CYTH1: variants seen among roughly 807,000 people sequenced by gnomAD.
The protein encoded by CYTH1 is cytohesin 1.
In CYTH1, 18 loss-of-function variants were observed where a neutral mutation model predicts 61.8. The ratio of observed to expected loss-of-function variants is 0.29; its 90% CI spans 0.20 to 0.43. The LOEUF (loss-of-function observed/expected upper bound fraction) is 0.43, where lower values mean the gene tolerates loss of function less well. CYTH1 is among the 20% of genes least tolerant of loss of function. CYTH1 has a pLI of 1.00. For synonymous variants in CYTH1, 174 were observed against 184.3 expected (o/e 0.94, Z 0.45); for missense variants, 336 against 510.5 (o/e 0.66, Z 3.29).
chr17:78,712,469 A>G (rs1290021255), intron 1 of CYTH1, among the ~76,000 whole-genome samples: 1 of 151,902 alleles, frequency 6.6e-6, no homozygotes, highest in Non-Finnish European at 1.5e-5. Context: ...CCTGGCCAAC[A>G]TGGTGAAACC....
intron 3 of CYTH1, among the ~76,000 whole-genome samples, chr17:78,704,160 A>C (rs191565180): frequency 6.6e-6 from 1 of 152,294 alleles, no homozygotes; most frequent in African/African-American, 2.4e-5. Flanking sequence ...CTGGGGCCTC[A>C]ACAAAACAGA....
intron 1 of CYTH1, among the ~76,000 whole-genome samples, chr17:78,770,900 G>C (rs950691859): frequency 1.3e-4 from 20 of 152,254 alleles, no homozygotes; most frequent in African/African-American, 4.8e-4. Flanking sequence ...GGCCAAGGCA[G>C]GCATATTCCT....
At chr17:78,782,112 G>C in intron 1 of CYTH1, 90 bp downstream of exon 1, 1 of 1,133,398 alleles carries the variant, frequency 8.8e-7, no homozygotes, top group Non-Finnish European at 1.1e-6. Flanking sequence ...CCCGGGAAAC[G>C]CCAGCCGCCG....
chr17:78,692,234 C>T (rs1453848783), intron 11 of CYTH1, among the ~76,000 whole-genome samples, 183 bp downstream of exon 11: 1 of 152,202 alleles, frequency 6.6e-6, no homozygotes, highest in Non-Finnish European at 1.5e-5. Flanking sequence ...GCACGCACCT[C>T]TTCTCAGGGG....
Position 78,732,943 on chromosome 17 carries a change from C to T in CYTH1, c.23-23211G>A, listed in dbSNP as rs60085543. Among the ~76,000 whole-genome samples the T allele has an allele frequency of 5.9e-3, 896 of 152,026 alleles. 40 individuals carry two copies. The East Asian group carries it at 0.11, about 19-fold the overall frequency. On this transcript the variant is annotated intron_variant, in intron 1 of 13. Coordinates refer to ENST00000446868, the MANE Select transcript of CYTH1 (RefSeq NM_004762.6). ...CTCTACTAAAAATACAAAAATTAGC[C>T]GGGCGTGGTGGTACGTTCCTGTAGT...
intron 1 of CYTH1, among the ~76,000 whole-genome samples, chr17:78,753,126 C>T (rs993732471): frequency 6.6e-6 from 1 of 152,116 alleles, no homozygotes; most frequent in African/African-American, 2.4e-5. Context: ...CAATCAGAGG[C>T]AAGCCTCTCA....
chr17:78,738,051 A>T (rs1326600988), intron 1 of CYTH1, among the ~76,000 whole-genome samples: 1 of 152,162 alleles, frequency 6.6e-6, no homozygotes, highest in Admixed American at 6.6e-5. Flanking sequence ...GTGATTTCCA[A>T]TTCTTCTACG....
intron 1 of CYTH1, among the ~76,000 whole-genome samples, chr17:78,724,268 G>C (rs1328083932): frequency 6.6e-6 from 1 of 152,182 alleles, no homozygotes; most frequent in Non-Finnish European, 1.5e-5. Flanking sequence ...AGTCCCAAAA[G>C]CATGAACTCC....
chr17:78,778,265 A>G (rs892664015), intron 1 of CYTH1, among the ~76,000 whole-genome samples: 1 of 137,704 alleles, frequency 7.3e-6, no homozygotes. Context: ...GTGCCACCAC[A>G]CTCCAGCCTG....
chr17:78,759,317 G>A (rs1197740947), intron 1 of CYTH1, among the ~76,000 whole-genome samples: 3 of 152,100 alleles, frequency 2.0e-5, no homozygotes, highest in Admixed American at 6.6e-5. Context: ...GGTCTCATGC[G>A]CCTAGCAGTC....
intron 1 of CYTH1, among the ~76,000 whole-genome samples, chr17:78,747,352 G>A (rs2093363670): frequency 6.6e-6 from 1 of 152,072 alleles, no homozygotes; most frequent in Admixed American, 6.6e-5. Flanking sequence ...TATTTAGGAA[G>A]AGATCTGGGG....
intron 1 of CYTH1, among the ~76,000 whole-genome samples, chr17:78,737,892 C>CAG (rs2093327314): frequency 7.4e-6 from 1 of 135,332 alleles, no homozygotes. Context: ...CACACACACA[C>CAG]ACACACACGA....
chr17:78,756,989 T>TA (rs1491466731), intron 1 of CYTH1, among the ~76,000 whole-genome samples: 1 of 132,194 alleles, frequency 7.6e-6, no homozygotes, highest in Non-Finnish European at 1.6e-5. Flanking sequence ...CTTTTTTTTC[T>TA]TTTTTTTTTT....
intron 1 of CYTH1, among the ~76,000 whole-genome samples, chr17:78,779,400 CAAAAAAA>C (rs56061178): frequency 1.2e-4 from 10 of 84,206 alleles, no homozygotes; most frequent in Non-Finnish European, 2.0e-4. Flanking sequence ...AACTCCATCT[CAAAAAAA>C]AAAAAAAAAA....
intron 1 of CYTH1, among the ~76,000 whole-genome samples, chr17:78,741,969 A>G (rs2093343601): frequency 6.6e-6 from 1 of 152,180 alleles, no homozygotes. Context: ...GCTAGAAAGA[A>G]CCCTAAGGTT....
intron 5 of CYTH1, 140 bp from the exon 6 acceptor site, chr17:78,701,891 C>T (rs1206224141): frequency 4.7e-6 from 4 of 855,328 alleles, no homozygotes; most frequent in East Asian, 5.0e-5. Flanking sequence ...GCACACTGTC[C>T]GCAAGAAGAC....
At position 78,769,007 on chromosome 17, in the gene CYTH1, G is replaced by A. The variant is rs61343167; in HGVS notation, c.22+13195C>T. 6.4e-3 allele frequency among the ~76,000 whole-genome samples: 973 copies of A among 152,156 alleles called. 35 individuals are homozygous for A. The East Asian group carries it at 0.11, about 17-fold the overall frequency. On this transcript the variant is annotated intron_variant, in intron 1 of 13. Transcript: ENST00000446868. Reference sequence around the variant, plus strand: ...CTAAAAATACAAAAACTAGCCAGGTGTGGTGGCACATGCCTGTAATCACAG... The same window carrying A: ...CTAAAAATACAAAAACTAGCCAGGTATGGTGGCACATGCCTGTAATCACAG...
chr17:78,749,657 T>TA (rs1286622577), intron 1 of CYTH1, among the ~76,000 whole-genome samples: 1 of 150,006 alleles, frequency 6.7e-6, no homozygotes, highest in Non-Finnish European at 1.5e-5. Flanking sequence ...CAAATAAAAA[T>TA]AAAAAAATAA....
intron 1 of CYTH1, among the ~76,000 whole-genome samples, chr17:78,762,185 C>A (rs148978917): frequency 8.3e-4 from 126 of 152,296 alleles, no homozygotes; most frequent in African/African-American, 3.0e-3. Context: ...CAAAAACATT[C>A]CTAAGAACAG....
Sources: allele counts gnomAD v4.1 joint callset (sites outside exome capture counted in the v4.1 genomes callset), GRCh38; gene constraint gnomAD v4.1.1; transcripts MANE v1.5; gene names NCBI Gene and HGNC (gene_info 2026-07-23, HGNC 2026-07-21).